Variants in DGKB observed in about 807,000 individuals in gnomAD.
DGKB encodes diacylglycerol kinase beta, also known as 90 kDa diacylglycerol kinase.
DGKB carries 67 observed loss-of-function variants against 114.3 expected under a neutral mutation model. The observed-to-expected ratio is 0.59, with a 90% confidence interval of 0.48 to 0.72. The LOEUF (loss-of-function observed/expected upper bound fraction) is 0.72. Ranked by LOEUF, DGKB falls within the 30% of genes least tolerant of loss-of-function variation. DGKB has a pLI of 0.00. For missense variants in DGKB, 907 were observed against 975.2 expected (o/e 0.93, Z 0.93); for synonymous variants, 398 against 323.1 (o/e 1.23, Z -2.49).
In DGKB at chr7:14,657,418, A is replaced by G. The variant is rs149169477; in HGVS notation, c.1134+15511T>C. ...TGATGACAATTATGAATTGATCTAT[A>G]ATGAATATTAATTAAATGAATATTA... On this transcript the variant is annotated intron_variant, in intron 13 of 25. Transcript: ENST00000402815. Among the ~76,000 whole-genome samples the G allele has an allele frequency of 1.8e-4, 28 of 152,058 alleles. No homozygotes were observed. The East Asian group carries it at 5.2e-3, about 28-fold the overall frequency.
At chr7:14,607,577 CAG>C in intron 16 of DGKB, 69 bp from the exon 17 acceptor site, 1 of 623,174 alleles carries the variant, frequency 1.6e-6, no homozygotes, top group South Asian at 2.2e-5. Context: ...TAATGTCTCT[CAG>C]TGTTATAAAA....
intron 1 of DGKB, among the ~76,000 whole-genome samples, chr7:14,951,114 G>C (rs1365883521): frequency 6.7e-6 from 1 of 148,486 alleles, no homozygotes. Context: ...GTCTGATAAA[G>C]GGCATCTATA....
chr7:14,469,954 T>G (rs1361647300), intron 21 of DGKB, among the ~76,000 whole-genome samples: 1 of 151,970 alleles, frequency 6.6e-6, no homozygotes, highest in Non-Finnish European at 1.5e-5. Context: ...TTTACCTATT[T>G]ATCTGTACAC....
chr7:14,315,893 C>T (rs1311427394), intron 23 of DGKB, among the ~76,000 whole-genome samples: 2 of 151,100 alleles, frequency 1.3e-5, no homozygotes, highest in African/African-American at 2.4e-5. Flanking sequence ...GTAAAGCTCT[C>T]CTCAGCAAAT....
At chr7:14,701,387 G>C (rs1437754831) in intron 7 of DGKB, among the ~76,000 whole-genome samples, 2 of 152,106 alleles carry the variant, frequency 1.3e-5, no homozygotes, top group African/African-American at 4.8e-5. Context: ...TTAATCTTAT[G>C]TTTTATTCAG....
Position 14,747,188 on chromosome 7 carries a change from C to CTT in DGKB, c.168+6738_168+6739dup, listed in dbSNP as rs372925762. On this transcript the variant is annotated intron_variant, in intron 4 of 25. Transcript: ENST00000402815. Reference sequence around the variant, plus strand: ...TTGCAATGTGGGAAAACACAAACCTCTTTTTTTTTTTTTTTTTTTCCTAAG... The same window carrying CTT: ...TTGCAATGTGGGAAAACACAAACCTCTTTTTTTTTTTTTTTTTTTTTCCTAAG... 3.5e-4 allele frequency among the ~76,000 whole-genome samples: 44 copies of CTT among 124,138 alleles called. 1 individual carries two copies. The highest frequency in any genetic ancestry group is 1.1e-3 in the African/African-American group (34 of 30,758). The allele number at this position is 124,138 out of a possible 152,430, so 81.4% of individuals were successfully genotyped here. A position where few individuals can be genotyped will look rare whatever the true frequency, so the allele number is the denominator to read the frequency against.
chr7:14,199,286 G>T lies in DGKB; in HGVS notation c.2123-21135C>A, dbSNP rs573954199. Among the ~76,000 whole-genome samples the T allele has an allele frequency of 3.3e-5, 5 of 152,048 alleles. 1 individual carries two copies. The South Asian group carries it at 1.0e-3, about 32-fold the overall frequency. On this transcript the variant is annotated intron_variant, in intron 23 of 25. Transcript: ENST00000402815. The stretch of plus-strand genomic sequence containing the variant: ...TGAGCGTGATGGGTCTCAGATGAAA[G>T]ACATTTGGCTACAAATATTAAAGTG...
intron 15 of DGKB, among the ~76,000 whole-genome samples, chr7:14,614,039 C>T (rs1806083009): frequency 6.6e-6 from 1 of 152,178 alleles, no homozygotes; most frequent in African/African-American, 2.4e-5. Flanking sequence ...CTATTGATCT[C>T]TCTTTCAGGT....
intron 1 of DGKB, among the ~76,000 whole-genome samples, chr7:14,947,105 C>T (rs1263192384): frequency 6.6e-6 from 1 of 151,436 alleles, no homozygotes; most frequent in Non-Finnish European, 1.5e-5. Flanking sequence ...TTATTATACA[C>T]AATATCAAGG....
At chr7:14,209,043 G>C (rs976110803) in intron 23 of DGKB, 2 of 161,690 alleles carry the variant, frequency 1.2e-5, no homozygotes, top group African/African-American at 4.9e-5. Context: ...TGCATACATC[G>C]TTTCTCTTTT....
At chr7:14,775,123 T>C (rs1050742424) in intron 2 of DGKB, among the ~76,000 whole-genome samples, 7 of 152,040 alleles carry the variant, frequency 4.6e-5, no homozygotes, top group African/African-American at 1.7e-4. Context: ...ATTTAGAAAA[T>C]TGGGATCCAA....
intron 23 of DGKB, among the ~76,000 whole-genome samples, chr7:14,223,978 T>C (rs951417882): frequency 6.6e-6 from 1 of 151,828 alleles, no homozygotes; most frequent in Admixed American, 6.6e-5. Flanking sequence ...TTTTTTCCAA[T>C]GTCTCCAACA....
chr7:14,825,008 A>ATGTG (rs1370513806), intron 2 of DGKB, among the ~76,000 whole-genome samples: 3 of 81,680 alleles, frequency 3.7e-5, no homozygotes, highest in Non-Finnish European at 6.3e-5. Flanking sequence ...ATATATATGT[A>ATGTG]TGTGTATGTA....
intron 2 of DGKB, among the ~76,000 whole-genome samples, chr7:14,803,441 T>C (rs1025104865): frequency 6.6e-6 from 1 of 152,186 alleles, no homozygotes; most frequent in Non-Finnish European, 1.5e-5. Context: ...ATGTAAGAAG[T>C]GTAAAAAGTG....
chr7:14,504,757 T>G (rs545777999), intron 20 of DGKB, among the ~76,000 whole-genome samples: 64 of 152,266 alleles, frequency 4.2e-4, no homozygotes, highest in African/African-American at 1.5e-3. Flanking sequence ...GTTTATAACT[T>G]GAGGTTGATT....
chr7:14,683,603 T>C (rs1363123910), intron 10 of DGKB, among the ~76,000 whole-genome samples: 2 of 152,100 alleles, frequency 1.3e-5, no homozygotes, highest in African/African-American at 4.8e-5. Context: ...ATGTGTTCTT[T>C]TAATAAAATG....
chr7:14,535,387 AAAAAAAAG>A (rs1178266270), intron 20 of DGKB, among the ~76,000 whole-genome samples: 3 of 142,914 alleles, frequency 2.1e-5, no homozygotes, highest in African/African-American at 7.6e-5. Context: ...AGAAAAAAAA[AAAAAAAAG>A]AAAGAAAGAA....
At chr7:14,386,966 A>G (rs1183923823) in intron 21 of DGKB, among the ~76,000 whole-genome samples, 2 of 152,020 alleles carry the variant, frequency 1.3e-5, no homozygotes, top group Non-Finnish European at 2.9e-5. Flanking sequence ...AGTCATTAAA[A>G]TATTAAGTAC....
chr7:14,606,985 A>G (rs2128779412), intron 17 of DGKB, among the ~76,000 whole-genome samples: 1 of 152,162 alleles, frequency 6.6e-6, no homozygotes, highest in Non-Finnish European at 1.5e-5. Flanking sequence ...TGTAGAATAT[A>G]AATAACTCCT....
Sources: allele counts gnomAD v4.1 joint callset (sites outside exome capture counted in the v4.1 genomes callset), GRCh38; gene constraint gnomAD v4.1.1; transcripts MANE v1.5; gene names NCBI Gene and HGNC (gene_info 2026-07-23, HGNC 2026-07-21).